NEGR1: variants seen among roughly 807,000 people sequenced by gnomAD.
NEGR1 encodes IgLON family member 4.
A neutral mutation model predicts 40.9 loss-of-function variants in NEGR1; 10 were observed. The observed-to-expected ratio is 0.24, with a 90% confidence interval of 0.15 to 0.42. NEGR1 has a LOEUF of 0.42. Among genes scored for constraint, NEGR1 ranks in the 10% least tolerant of loss-of-function variants. NEGR1 has a pLI of 1.00. For missense variants in NEGR1, 352 were observed against 438.9 expected (o/e 0.80, Z 1.77); for synonymous variants, 185 against 166.8 (o/e 1.11, Z -0.84).
chr1:72,239,424 GA>G (rs1455282909), intron 1 of NEGR1, among the ~76,000 whole-genome samples: 4 of 151,670 alleles, frequency 2.6e-5, no homozygotes, highest in Non-Finnish European at 5.9e-5. Context: ...TGTTTTGTTT[GA>G]ATACATAAAA....
chr1:71,793,222 C>A (rs1570353935), intron 2 of NEGR1, among the ~76,000 whole-genome samples: 2 of 2,606 alleles, frequency 7.7e-4, no homozygotes, highest in African/African-American at 2.9e-3. Flanking sequence ...GCTCTGTCGC[C>A]CAGGCTGGAG....
chr1:71,645,975 C>G (rs970934162), intron 4 of NEGR1, among the ~76,000 whole-genome samples: 1 of 151,620 alleles, frequency 6.6e-6, no homozygotes, highest in Non-Finnish European at 1.5e-5. Context: ...AGAATTTTAT[C>G]CTATCCTTCT....
intron 6 of NEGR1, among the ~76,000 whole-genome samples, chr1:71,576,264 G>T (rs377437539): frequency 2.0e-4 from 31 of 152,070 alleles, no homozygotes; most frequent in Middle Eastern, 6.8e-3. Flanking sequence ...GGTTTTTTTT[G>T]TTGTTGTTGT....
intron 2 of NEGR1, among the ~76,000 whole-genome samples, chr1:71,873,483 T>C (rs143508800): frequency 1.3e-5 from 2 of 152,226 alleles, no homozygotes; most frequent in African/African-American, 4.8e-5. Flanking sequence ...AGTTAATGTA[T>C]ATAAAGTATT....
intron 1 of NEGR1, among the ~76,000 whole-genome samples, chr1:72,125,184 A>C (rs1279136490): frequency 1.3e-5 from 2 of 152,086 alleles, no homozygotes; most frequent in African/African-American, 4.8e-5. Context: ...CAAAGTTCGT[A>C]TCTATCTAAG....
intron 1 of NEGR1, among the ~76,000 whole-genome samples, chr1:72,233,695 T>C (rs1411165373): frequency 1.3e-5 from 2 of 152,184 alleles, no homozygotes; most frequent in African/African-American, 4.8e-5. Context: ...AATCCATTAT[T>C]GATGAGCACC....
chr1:71,845,099 A>G (rs1659361236), intron 2 of NEGR1, among the ~76,000 whole-genome samples: 1 of 152,190 alleles, frequency 6.6e-6, no homozygotes. Flanking sequence ...AATTGTTCTT[A>G]ATAAATAATG....
At chr1:72,094,900 G>T (rs1648639561) in intron 1 of NEGR1, among the ~76,000 whole-genome samples, 1 of 152,084 alleles carries the variant, frequency 6.6e-6, no homozygotes, top group African/African-American at 2.4e-5. Flanking sequence ...AATAGCAAGT[G>T]CATCAAAACT....
intron 2 of NEGR1, among the ~76,000 whole-genome samples, chr1:71,876,485 G>A (rs534290382): frequency 4.0e-5 from 6 of 151,786 alleles, no homozygotes; most frequent in African/African-American, 9.7e-5. Flanking sequence ...TAGCCTGGGC[G>A]ATAGAGTGAG....
intron 3 of NEGR1, among the ~76,000 whole-genome samples, chr1:71,735,492 C>G (rs1294054560): frequency 6.6e-6 from 1 of 151,782 alleles, no homozygotes; most frequent in East Asian, 1.9e-4. Context: ...GACATTGCCT[C>G]TTAAAATGGC....
chr1:71,699,707 G>T (rs188775720), intron 3 of NEGR1, among the ~76,000 whole-genome samples: 4 of 151,872 alleles, frequency 2.6e-5, no homozygotes, highest in African/African-American at 9.6e-5. Context: ...GGGGTCAGGG[G>T]CAGAATAATA....
At chr1:71,925,636 A>G (rs138206532) in intron 2 of NEGR1, among the ~76,000 whole-genome samples, 1 of 152,310 alleles carries the variant, frequency 6.6e-6, no homozygotes, top group Non-Finnish European at 1.5e-5. Context: ...CATAATGGTT[A>G]CAAGGAGTAT....
At chr1:72,049,390 GA>G (rs1436961751) in intron 1 of NEGR1, among the ~76,000 whole-genome samples, 1 of 151,462 alleles carries the variant, frequency 6.6e-6, no homozygotes, top group African/African-American at 2.4e-5. Context: ...AAGCACCTTA[GA>G]AAGAATCTGA....
intron 2 of NEGR1, among the ~76,000 whole-genome samples, chr1:71,875,599 C>T (rs922931225): frequency 4.3e-4 from 65 of 152,242 alleles, no homozygotes; most frequent in African/African-American, 1.4e-3. Context: ...TGTGCAGATA[C>T]GGGCTAGATT....
intron 3 of NEGR1, among the ~76,000 whole-genome samples, chr1:71,764,986 C>T (rs928942164): frequency 4.0e-5 from 6 of 151,354 alleles, no homozygotes; most frequent in Non-Finnish European, 8.8e-5. Context: ...GTGGTTGGAC[C>T]GAGAAGAAGC....
At chr1:71,806,040 T>C (rs927076072) in intron 2 of NEGR1, among the ~76,000 whole-genome samples, 1 of 152,254 alleles carries the variant, frequency 6.6e-6, no homozygotes, top group African/African-American at 2.4e-5. Context: ...AATTAAGTAA[T>C]ATCTAACTCA....
At chr1:72,249,093 G>T (rs993590114) in intron 1 of NEGR1, among the ~76,000 whole-genome samples, 2 of 152,116 alleles carry the variant, frequency 1.3e-5, no homozygotes, top group African/African-American at 4.8e-5. Context: ...TTGAACCATT[G>T]GGAGGTAATT....
At chr1:72,264,325 T>C (rs1655566122) in intron 1 of NEGR1, among the ~76,000 whole-genome samples, 1 of 151,198 alleles carries the variant, frequency 6.6e-6, no homozygotes, top group African/African-American at 2.4e-5. Flanking sequence ...CATAAGGCTG[T>C]TGTGATATTT....
intron 2 of NEGR1, among the ~76,000 whole-genome samples, chr1:71,926,492 C>A (rs1394499940): frequency 6.6e-6 from 1 of 151,946 alleles, no homozygotes; most frequent in Non-Finnish European, 1.5e-5. Context: ...GAATTAGAAT[C>A]TTCCTTGCTG....
Sources: allele counts gnomAD v4.1 joint callset (sites outside exome capture counted in the v4.1 genomes callset), GRCh38; gene constraint gnomAD v4.1.1; transcripts MANE v1.5; gene names NCBI Gene and HGNC (gene_info 2026-07-23, HGNC 2026-07-21).